Variants in ERBIN observed in about 807,000 individuals in gnomAD.
The protein encoded by ERBIN is erbb2 interacting protein, also known as densin-180-like protein.
Under a neutral mutation model 158.4 loss-of-function variants are expected in ERBIN, and 60 were observed. That is an observed-to-expected ratio of 0.38 (90% CI 0.31 to 0.47). ERBIN has a LOEUF of 0.47. Among genes scored for constraint, ERBIN ranks in the 20% least tolerant of loss-of-function variants. ERBIN has a pLI of 0.99. For missense variants in ERBIN, 1,610 were observed against 1,648.0 expected (o/e 0.98, Z 0.40); for synonymous variants, 594 against 557.2 (o/e 1.07, Z -0.93).
Position 65,929,657 on chromosome 5 carries a change from T to TTC in ERBIN, c.-58+2851_-58+2852insTC, listed in dbSNP as rs1561255174. 5.7e-5 allele frequency among the ~76,000 whole-genome samples: 8 copies of TTC among 141,422 alleles called. 1 individual carries two copies. The highest frequency in any genetic ancestry group is 2.2e-4 in the South Asian group (1 of 4,616). 92.8% of individuals were successfully genotyped at this position (141,422 alleles called of 152,430 possible). ...TTCCTCTTTTTTTTTTTTTTTTTTT[T>TTC]CGAGATGGAGTCTTGCTCTGTTGCC... is the stretch of plus-strand genomic sequence containing the variant. On this transcript the variant is annotated intron_variant, in intron 1 of 25. Transcript: ENST00000284037.
At chr5:65,996,251 T>G (rs1303834008) in intron 4 of ERBIN, among the ~76,000 whole-genome samples, 1 of 148,362 alleles carries the variant, frequency 6.7e-6, no homozygotes, top group East Asian at 1.9e-4. Flanking sequence ...GTAGTTTTTT[T>G]TTTTTTTTTT....
intron 7 of ERBIN, among the ~76,000 whole-genome samples, chr5:66,015,892 C>G (rs963174680): frequency 1.3e-5 from 2 of 152,168 alleles, no homozygotes; most frequent in African/African-American, 4.8e-5. Context: ...TCTCCAGTTA[C>G]CCCAGGAGTT....
chr5:65,935,503 A>G (rs115253621), intron 1 of ERBIN, among the ~76,000 whole-genome samples: 79 of 152,328 alleles, frequency 5.2e-4, no homozygotes, highest in African/African-American at 1.8e-3. Flanking sequence ...TTTCTGAAGT[A>G]TTTCTAAAGA....
chr5:65,940,571 C>A, intron 1 of ERBIN, among the ~76,000 whole-genome samples: 1 of 127,662 alleles, frequency 7.8e-6, no homozygotes, highest in African/African-American at 3.7e-5. Flanking sequence ...GTGAGGGGCG[C>A]CTCTGCCCGG....
At chr5:65,994,475 A>AT (rs200496528) in intron 3 of ERBIN, among the ~76,000 whole-genome samples, 1,780 of 152,090 alleles carry the variant, frequency 0.012, 32 homozygotes, top group Middle Eastern at 0.065. Context: ...GTAGCCACTT[A>AT]TTTTTTTTAC....
At chr5:65,941,940 C>T (rs1370107530) in intron 1 of ERBIN, among the ~76,000 whole-genome samples, 3 of 152,138 alleles carry the variant, frequency 2.0e-5, no homozygotes, top group Non-Finnish European at 4.4e-5. Flanking sequence ...TGGGGTTTCA[C>T]CATGTTAGCC....
At chr5:66,044,756 C>T (rs1428114187) in intron 17 of ERBIN, among the ~76,000 whole-genome samples, 1 of 151,664 alleles carries the variant, frequency 6.6e-6, no homozygotes, top group East Asian at 1.9e-4. Flanking sequence ...CAGAGTGACA[C>T]TCTGTCTCAA....
At chr5:66,065,655 G>T (rs979568732) in intron 21 of ERBIN, among the ~76,000 whole-genome samples, 3 of 109,116 alleles carry the variant, frequency 2.7e-5, no homozygotes, top group East Asian at 5.5e-4. Context: ...GTGTGTGTGT[G>T]TGTGTTTTGC....
At chr5:66,018,468 ATATATTATATATTATATAT>A (rs1561380045) in intron 7 of ERBIN, among the ~76,000 whole-genome samples, 471 of 4,120 alleles carry the variant, frequency 0.11, 131 homozygotes, top group African/African-American at 0.31. Context: ...ATTATATAAT[ATATATTATATATTATATAT>A]TATATTATAT....
chr5:65,967,149 G>T (rs887811403), intron 1 of ERBIN, among the ~76,000 whole-genome samples: 9 of 151,872 alleles, frequency 5.9e-5, no homozygotes, highest in African/African-American at 2.2e-4. Flanking sequence ...CAGTGTGTTT[G>T]TGTTTTACAC....
At position 65,992,784 on chromosome 5, in the gene ERBIN, G is replaced by A. The variant is rs775884275; in HGVS notation, c.66G>A (p.Glu22=). 2 of 1,613,638 alleles carry A rather than the reference G, an allele frequency of 1.2e-6. No homozygotes were observed. Among genetic ancestry groups the A allele is most frequent in the African/African-American group, 1.3e-5 (1 of 74,914 alleles). ...VPCRCLRGEE[E]TVTTLDYSHC... is the part of the protein sequence containing the mutation. ...GTCGCTGTCTACGAGGGGAAGAGGA[G>A]ACTGTCACTACTCTTGATTATTCTC... Residue 22 remains glutamate (E), a synonymous_variant, in exon 3 of 26, where the codon GAG becomes GAA. Transcript: ENST00000284037.
In ERBIN at chr5:65,991,301, T is replaced by C. The variant is rs1478193481; in HGVS notation, c.-9-1409T>C. On this transcript the variant is annotated intron_variant, in intron 2 of 25. Transcript: ENST00000284037. ...ATTTTTAAAACATTTTATTAAGATA[T>C]TGTATTTATCTTGATTACTGAATTT... Among the ~76,000 whole-genome samples, 5 of 152,330 alleles carry C rather than the reference T, an allele frequency of 3.3e-5. 1 individual carries two copies. The highest frequency in any genetic ancestry group is 7.2e-5 in the African/African-American group (3 of 41,576).
chr5:66,009,053 C>T (rs1253595397), intron 4 of ERBIN, among the ~76,000 whole-genome samples: 4 of 152,304 alleles, frequency 2.6e-5, no homozygotes, highest in Admixed American at 2.0e-4. Context: ...TCAAAACTCC[C>T]TCTGCTTACT....
intron 1 of ERBIN, among the ~76,000 whole-genome samples, chr5:65,983,988 C>T (rs1750937188): frequency 6.6e-6 from 1 of 152,258 alleles, no homozygotes. Context: ...AACCACTGTC[C>T]CCCAGCCAGC....
At chr5:65,927,062 G>A (rs1742744823) in intron 1 of ERBIN, among the ~76,000 whole-genome samples, 1 of 151,118 alleles carries the variant, frequency 6.6e-6, no homozygotes, top group Non-Finnish European at 1.5e-5. Flanking sequence ...GGGACGAAAA[G>A]TTTTTAGTAA....
At chr5:65,995,706 A>G (rs367615279) in intron 4 of ERBIN, among the ~76,000 whole-genome samples, 1 of 152,100 alleles carries the variant, frequency 6.6e-6, no homozygotes, top group East Asian at 1.9e-4. Flanking sequence ...ACTGTTTTCC[A>G]TAGCAGCTAT....
At chr5:66,059,298 A>T (rs1391191875) in intron 21 of ERBIN, among the ~76,000 whole-genome samples, 2 of 152,168 alleles carry the variant, frequency 1.3e-5, no homozygotes, top group African/African-American at 2.4e-5. Context: ...TCTTTGAAGC[A>T]ATTGTGAATG....
intron 21 of ERBIN, among the ~76,000 whole-genome samples, chr5:66,062,853 C>T (rs1033345149): frequency 6.6e-5 from 10 of 152,324 alleles, no homozygotes; most frequent in Non-Finnish European, 1.5e-4. Flanking sequence ...TGCAGAACAG[C>T]GGATATTGGT....
intron 1 of ERBIN, among the ~76,000 whole-genome samples, chr5:65,939,583 C>T (rs1744548534): frequency 6.6e-6 from 1 of 152,178 alleles, no homozygotes; most frequent in African/African-American, 2.4e-5. Flanking sequence ...TCCACGGTCT[C>T]CCACTGATGC....
Sources: allele counts gnomAD v4.1 joint callset (sites outside exome capture counted in the v4.1 genomes callset), GRCh38; gene constraint gnomAD v4.1.1; transcripts MANE v1.5; gene names NCBI Gene and HGNC (gene_info 2026-07-23, HGNC 2026-07-21).